The following CMTM3 variants were observed in gnomAD, a reference collection of about 807,000 sequenced individuals.
CMTM3 encodes the protein CKLF like MARVEL transmembrane domain containing 3.
A neutral mutation model predicts 18.2 loss-of-function variants in CMTM3; 7 were observed. The ratio of observed to expected loss-of-function variants is 0.38; its 90% CI spans 0.22 to 0.72. The LOEUF (loss-of-function observed/expected upper bound fraction) is 0.72, where lower values mean the gene tolerates loss of function less well. Ranked by LOEUF, CMTM3 falls within the 30% of genes least tolerant of loss-of-function variation. The pLI, the probability that CMTM3 is intolerant of heterozygous loss-of-function variation, is 0.46. For synonymous variants in CMTM3, 109 were observed against 111.2 expected, an observed-to-expected ratio of 0.98 and a Z score of 0.12; for missense variants, 227 against 249.2, an observed-to-expected ratio of 0.91 and a Z score of 0.60.
Position 66,608,212 on chromosome 16 carries a change from G to T in CMTM3, c.148-97G>T. 1 of 1,388,790 alleles carries T rather than the reference G, an allele frequency of 7.2e-7. No homozygotes were observed. Among genetic ancestry groups the T allele is most frequent in the Non-Finnish European group, 9.9e-7 (1 of 1,006,270 alleles). The allele number at this position is 1,388,790 out of a possible 1,614,324, so 86.0% of individuals were successfully genotyped here. ...TGTGAGCAGTTGGCTTCCCCTGCTGGAACCTCCTCTATCCTGACCACAGGG... is the reference window on the plus strand; with the variant it reads ...TGTGAGCAGTTGGCTTCCCCTGCTGTAACCTCCTCTATCCTGACCACAGGG... On this transcript the variant is annotated intron_variant, in intron 1 of 4. Transcript: ENST00000567572. The surrounding 1 kb of genome is among the most constrained non-coding windows in gnomAD (Gnocchi z 5.1).
rs930474991 is a variant in CMTM3 at position 66,605,151 on chromosome 16, G to A, written c.147+199G>A. On this transcript the variant is annotated intron_variant, in intron 1 of 4. Transcript: ENST00000567572. This position sits in a 1 kb window ranked among gnomAD's most constrained non-coding sequence, Gnocchi z 4.6. ...AACTTTGGACGGCGGGGCGGGGCCC[G>A]AGCCCAGGCCATCCGCGGCGCTGTC... 2.1e-6 allele frequency: 1 copy of A among 472,014 alleles called. No individual in the cohort carries two copies. The highest frequency in any genetic ancestry group is 3.6e-6 in the Non-Finnish European group (1 of 278,948). 29.2% of individuals were successfully genotyped at this position (472,014 alleles called of 1,614,324 possible). A position where few individuals can be genotyped will look rare whatever the true frequency, so the allele number is the denominator to read the frequency against.
chr16:66,609,627 C>A lies in CMTM3; in HGVS notation c.399+97C>A. 2 of 1,514,086 alleles carry A rather than the reference C, an allele frequency of 1.3e-6. No homozygotes were observed. Among genetic ancestry groups the A allele is most frequent in the Non-Finnish European group, 1.8e-6 (2 of 1,119,550 alleles). 93.8% of individuals were successfully genotyped at this position (1,514,086 alleles called of 1,614,324 possible). A position where few individuals can be genotyped will look rare whatever the true frequency, so the allele number is the denominator to read the frequency against. On this transcript the variant is annotated intron_variant, in intron 3 of 4. Coordinates refer to ENST00000567572, the MANE Select transcript of CMTM3 (RefSeq NM_181553.4). This position sits in a 1 kb window ranked among gnomAD's most constrained non-coding sequence, Gnocchi z 4.4. ...GCAGAGCCTTTCCCTGCTGGGGCCC[C>A]CCTGGGGTCTCATGTGGGTCCCGAT...
chr16:66,604,695 G>A, upstream of CMTM3: 1 of 859,002 alleles, frequency 1.2e-6, no homozygotes. Flanking sequence ...ATGCGCCCCT[G>A]CGCGAGCCAG....
At chr16:66,606,499 G>C (rs748419557) in intron 1 of CMTM3, among the ~76,000 whole-genome samples, 8 of 151,416 alleles carry the variant, frequency 5.3e-5, no homozygotes, top group Non-Finnish European at 7.4e-5. Context: ...AAATGGGGGT[G>C]CTCTGGGGAC....
rs2015417910 is a variant in CMTM3, at chr16:66,612,512, G to A, written c.521-97G>A. The A allele has an allele frequency of 7.7e-7, 1 of 1,294,848 alleles. No individual in the cohort carries two copies. The highest frequency in any genetic ancestry group is 1.9e-5 in the Admixed American group (1 of 52,012). The allele number at this position is 1,294,848 out of a possible 1,614,324, so 80.2% of individuals were successfully genotyped here. A position where few individuals can be genotyped will look rare whatever the true frequency, so the allele number is the denominator to read the frequency against. ...TCAGCTGCAGGAGGCCTGCACCCAG[G>A]CTCCTGCCAGCAACCCAGCTGTGCT... On this transcript the variant is annotated intron_variant, in intron 4 of 4. Coordinates refer to ENST00000567572, the MANE Select transcript of CMTM3 (RefSeq NM_181553.4). The surrounding 1 kb of genome is among the most constrained non-coding windows in gnomAD (Gnocchi z 6.0).
At position 66,610,079 on chromosome 16, in the gene CMTM3, A is replaced by G; in HGVS notation, c.520+76A>G. 6.4e-7 allele frequency: 1 copy of G among 1,573,566 alleles called. No homozygotes were observed. On this transcript the variant is annotated intron_variant, in intron 4 of 4. Transcript: ENST00000567572. The surrounding 1 kb of genome is among the most constrained non-coding windows in gnomAD (Gnocchi z 4.6). Reference sequence around the variant, plus strand: ...TCCCTCGGGGATGCCAGCTAGTTTGAGGCTGGGGTGGGATCATTTCCTCTC... The same window carrying G: ...TCCCTCGGGGATGCCAGCTAGTTTGGGGCTGGGGTGGGATCATTTCCTCTC...
Position 66,608,589 on chromosome 16 carries a change from T to G in CMTM3, c.303+125T>G. On this transcript the variant is annotated intron_variant, in intron 2 of 4. Coordinates refer to ENST00000567572, the MANE Select transcript of CMTM3 (RefSeq NM_181553.4). This position sits in a 1 kb window ranked among gnomAD's most constrained non-coding sequence, Gnocchi z 5.1. ...GCTGGAGTTTGCAGTTGGTTAGAAC[T>G]GGATGGAGAGACCCAGCTTCAGATC... 1 of 912,330 alleles carries G rather than the reference T, an allele frequency of 1.1e-6. No individual in the cohort carries two copies. The highest frequency in any genetic ancestry group is 1.7e-5 in the South Asian group (1 of 60,272). 56.5% of individuals were successfully genotyped at this position (912,330 alleles called of 1,614,324 possible).
Position 66,609,314 on chromosome 16 carries a change from GATGGGAT to G in CMTM3, c.304-119_304-113del. 1.2e-6 allele frequency: 1 copy of G among 806,430 alleles called. No homozygotes were observed. Among genetic ancestry groups the G allele is most frequent in the South Asian group, 1.6e-5 (1 of 61,626 alleles). 50.0% of individuals were successfully genotyped at this position (806,430 alleles called of 1,614,324 possible). ...GGCCTAGGCATGTGGGTGGGGCCAGGATGGGATAGGAGCCCTCAGGTGCTAGGCCTGG... is the reference window on the plus strand; with the variant it reads ...GGCCTAGGCATGTGGGTGGGGCCAGGAGGAGCCCTCAGGTGCTAGGCCTGG... On this transcript the variant is annotated intron_variant, in intron 2 of 4. Coordinates refer to ENST00000567572, the MANE Select transcript of CMTM3 (RefSeq NM_181553.4). This position sits in a 1 kb window ranked among gnomAD's most constrained non-coding sequence, Gnocchi z 4.4.
chr16:66,608,988 G>A lies in CMTM3; in HGVS notation c.304-447G>A, dbSNP rs2015265450. Among the ~76,000 whole-genome samples, 1 of 152,102 alleles carries A rather than the reference G, an allele frequency of 6.6e-6. No homozygotes were observed. The highest frequency in any genetic ancestry group is 1.5e-5 in the Non-Finnish European group (1 of 68,042). On this transcript the variant is annotated intron_variant, in intron 2 of 4. Transcript: ENST00000567572. This position sits in a 1 kb window ranked among gnomAD's most constrained non-coding sequence, Gnocchi z 5.1. ...TCATATCCAGCATCTGCTGCCTCAG[G>A]AGGGCTGCACCCTCTGTGTCCCCAT...
chr16:66,611,427 C>T (rs145128932), intron 4 of CMTM3, among the ~76,000 whole-genome samples: 86 of 151,498 alleles, frequency 5.7e-4, no homozygotes, highest in African/African-American at 2.0e-3. Flanking sequence ...CCAGCCTGGG[C>T]GACAGAGTGA....
intron 1 of CMTM3, among the ~76,000 whole-genome samples, chr16:66,606,572 G>A (rs1480786440): frequency 1.3e-5 from 2 of 152,096 alleles, no homozygotes; most frequent in Non-Finnish European, 2.9e-5. Flanking sequence ...GGGGCATCTG[G>A]GTGTCCCCAT....
Position 66,612,975 on chromosome 16 carries a change from TC to T in CMTM3, c.*340del. 1 of 691,122 alleles carries T rather than the reference TC, an allele frequency of 1.4e-6. No homozygotes were observed. The highest frequency in any genetic ancestry group is 1.5e-5 in the South Asian group (1 of 66,348). 42.8% of individuals were successfully genotyped at this position (691,122 alleles called of 1,614,324 possible). The stretch of plus-strand genomic sequence containing the variant: ...TTGTCTGTATCTGGGCAGCAGGTGT[TC>T]CATGCTGCTAGGTGGCGGGGGTCGG... On this transcript the variant is annotated 3_prime_UTR_variant, in exon 5 of 5. Transcript: ENST00000567572. This position sits in a 1 kb window ranked among gnomAD's most constrained non-coding sequence, Gnocchi z 6.0.
chr16:66,604,626 G>A (rs1380252371), upstream of CMTM3: 4 of 438,674 alleles, frequency 9.1e-6, no homozygotes, highest in Admixed American at 9.6e-5. Flanking sequence ...GCCGGGGTCC[G>A]AGGGGGAGGG....
rs2015331992 is a variant in CMTM3 at position 66,610,387 on chromosome 16, CAG to C, written c.520+387_520+388del. 6.6e-6 allele frequency among the ~76,000 whole-genome samples: 1 copy of C among 152,168 alleles called. No homozygotes were observed. The highest frequency in any genetic ancestry group is 1.5e-5 in the Non-Finnish European group (1 of 68,030). ...CCATCCAGGCCTGTCCTGGGAAGCT[CAG>C]AGCCCAGAAAGGAGTCAGACCCAGA... On this transcript the variant is annotated intron_variant, in intron 4 of 4. Coordinates refer to ENST00000567572, the MANE Select transcript of CMTM3 (RefSeq NM_181553.4). This position sits in a 1 kb window ranked among gnomAD's most constrained non-coding sequence, Gnocchi z 4.6.
Position 66,610,602 on chromosome 16 carries a change from G to A in CMTM3, c.520+599G>A, listed in dbSNP as rs11861822. On this transcript the variant is annotated intron_variant, in intron 4 of 4. Coordinates refer to ENST00000567572, the MANE Select transcript of CMTM3 (RefSeq NM_181553.4). The surrounding 1 kb of genome is among the most constrained non-coding windows in gnomAD (Gnocchi z 4.6). ...AGCTGGGTACTGACAGATGGCAGTA[G>A]AGGAGTGTGCAGGCAGAAGAGACCA... Among the ~76,000 whole-genome samples, 50 of 152,300 alleles carry A rather than the reference G, an allele frequency of 3.3e-4. No homozygotes were observed. Among genetic ancestry groups the A allele is most frequent in the African/African-American group, 1.2e-3 (49 of 41,554 alleles).
chr16:66,609,187 C>T lies in CMTM3; in HGVS notation c.304-248C>T, dbSNP rs1053954124. ...AGGGCAGGCTGCACCCTGATCCACACAGTTTTTTGCCCAGAGCTTAGGACA... is the reference window on the plus strand; with the variant it reads ...AGGGCAGGCTGCACCCTGATCCACATAGTTTTTTGCCCAGAGCTTAGGACA... On this transcript the variant is annotated intron_variant, in intron 2 of 4. Coordinates refer to ENST00000567572, the MANE Select transcript of CMTM3 (RefSeq NM_181553.4). This position sits in a 1 kb window ranked among gnomAD's most constrained non-coding sequence, Gnocchi z 4.4. 6.6e-6 allele frequency among the ~76,000 whole-genome samples: 1 copy of T among 152,244 alleles called. No individual in the cohort carries two copies. The highest frequency in any genetic ancestry group is 1.5e-5 in the Non-Finnish European group (1 of 68,038).
chr16:66,605,182 G>A lies in CMTM3; in HGVS notation c.147+230G>A. On this transcript the variant is annotated intron_variant, in intron 1 of 4. Transcript: ENST00000567572. The surrounding 1 kb of genome is among the most constrained non-coding windows in gnomAD (Gnocchi z 4.6). ...AGGCCATCCGCGGCGCTGTCCCCGC[G>A]AGTCCAGAGCTGGGGGCCGTGGGAA... is the stretch of plus-strand genomic sequence containing the variant. 2.4e-6 allele frequency: 1 copy of A among 418,030 alleles called. No individual in the cohort carries two copies. Among genetic ancestry groups the A allele is most frequent in the East Asian group, 4.1e-5 (1 of 24,622 alleles). 25.9% of individuals were successfully genotyped at this position (418,030 alleles called of 1,614,324 possible). A position where few individuals can be genotyped will look rare whatever the true frequency, so the allele number is the denominator to read the frequency against.
At position 66,612,443 on chromosome 16, in the gene CMTM3, C is replaced by A. The variant is rs1238698808; in HGVS notation, c.521-166C>A. 6.6e-6 allele frequency among the ~76,000 whole-genome samples: 1 copy of A among 152,114 alleles called. No individual in the cohort carries two copies. ...GCTGCTGCCTGTGGAGGGCCTCAGG[C>A]CCGCGGCCTGCCCTGATGCCAGCGA... On this transcript the variant is annotated intron_variant, in intron 4 of 4. Coordinates refer to ENST00000567572, the MANE Select transcript of CMTM3 (RefSeq NM_181553.4). This position sits in a 1 kb window ranked among gnomAD's most constrained non-coding sequence, Gnocchi z 6.0.
rs1289077278 is a variant in CMTM3, at chr16:66,612,531, C to T, written c.521-78C>T. ...ACCCAGGCTCCTGCCAGCAACCCAGCTGTGCTTCCCCAGAGACCGTTCCCA... is the reference window on the plus strand; with the variant it reads ...ACCCAGGCTCCTGCCAGCAACCCAGTTGTGCTTCCCCAGAGACCGTTCCCA... On this transcript the variant is annotated intron_variant, in intron 4 of 4. Transcript: ENST00000567572. This position sits in a 1 kb window ranked among gnomAD's most constrained non-coding sequence, Gnocchi z 6.0. 3 of 1,484,150 alleles carry T rather than the reference C, an allele frequency of 2.0e-6. No individual in the cohort carries two copies. The highest frequency in any genetic ancestry group is 1.4e-5 in the African/African-American group (1 of 72,462). The allele number at this position is 1,484,150 out of a possible 1,614,324, so 91.9% of individuals were successfully genotyped here.
Sources: gnomAD v4.1 joint callset for allele counts (sites outside exome capture counted in the v4.1 genomes callset) on GRCh38, gnomAD v4.1.1 for gene constraint, Gnocchi (gnomAD v3.1) non-coding constraint, MANE v1.5 for transcripts, NCBI Gene and HGNC (gene_info 2026-07-23, HGNC 2026-07-21) for gene names.